Variants in SLC12A2 observed in about 807,000 individuals in gnomAD.
The protein encoded by SLC12A2 is solute carrier family 12 member 2.
A neutral mutation model predicts 136.3 loss-of-function variants in SLC12A2; 67 were observed. That is an observed-to-expected ratio of 0.49 (90% CI 0.40 to 0.60). The LOEUF (loss-of-function observed/expected upper bound fraction) is 0.60, where lower values mean the gene tolerates loss of function less well. Among genes scored for constraint, SLC12A2 ranks in the 20% least tolerant of loss-of-function variants. SLC12A2 has a pLI of 0.00. For missense variants in SLC12A2, 1,322 were observed against 1,534.7 expected (o/e 0.86, Z 2.32); for synonymous variants, 619 against 562.9 (o/e 1.10, Z -1.41).
chr5:128,084,763 C>T lies in SLC12A2; in HGVS notation c.756+53C>T, dbSNP rs1760020144. 2.0e-6 allele frequency: 3 copies of T among 1,484,376 alleles called. No individual in the cohort carries two copies. The highest frequency in any genetic ancestry group is 2.7e-6 in the Non-Finnish European group (3 of 1,112,648). The allele number at this position is 1,484,376 out of a possible 1,614,324, so 92.0% of individuals were successfully genotyped here. On this transcript the variant is annotated intron_variant, in intron 1 of 26. Coordinates refer to ENST00000262461, the MANE Select transcript of SLC12A2 (RefSeq NM_001046.3). This position sits in a 1 kb window ranked among gnomAD's most constrained non-coding sequence, Gnocchi z 5.6. The stretch of plus-strand genomic sequence containing the variant: ...CCCAGCCCCTGGTGCATGCCGACCG[C>T]GGGATGTGGCTGCAGACTCTTCCCG...
At chr5:128,140,664 C>T (rs1267741007) in intron 9 of SLC12A2, among the ~76,000 whole-genome samples, 2 of 149,978 alleles carry the variant, frequency 1.3e-5, no homozygotes, top group East Asian at 1.9e-4. Flanking sequence ...GCAGCCTCTA[C>T]ACCAGTGGTT....
chr5:128,159,610 C>T (rs1355800075), intron 16 of SLC12A2, among the ~76,000 whole-genome samples: 1 of 151,786 alleles, frequency 6.6e-6, no homozygotes, highest in East Asian at 1.9e-4. Context: ...AGACACTTTT[C>T]TTATGTGGTC....
intron 19 of SLC12A2, 92 bp downstream of exon 19, chr5:128,171,838 T>A: frequency 1.3e-6 from 1 of 750,304 alleles, no homozygotes; most frequent in South Asian, 1.8e-5. Context: ...TCTTCGTTAC[T>A]TTTAATAATT....
intron 4 of SLC12A2, among the ~76,000 whole-genome samples, chr5:128,125,638 A>G (rs1476496799): frequency 6.6e-6 from 1 of 151,486 alleles, no homozygotes; most frequent in Non-Finnish European, 1.5e-5. Context: ...CATGTCTTTC[A>G]GTGAAGAGAC....
intron 7 of SLC12A2, among the ~76,000 whole-genome samples, chr5:128,136,132 C>T (rs1043878367): frequency 6.6e-6 from 1 of 152,104 alleles, no homozygotes; most frequent in East Asian, 1.9e-4. Context: ...ATATGACTTT[C>T]ATTCTTTTAA....
At chr5:128,184,539 TA>T in intron 25 of SLC12A2, 38 bp downstream of exon 25, 1 of 1,503,606 alleles carries the variant, frequency 6.7e-7, no homozygotes, top group Non-Finnish European at 9.0e-7. Context: ...ATCTTTTATA[TA>T]ATAAAAGACA....
rs865817316 is a variant in SLC12A2, at chr5:128,148,786, C to T, written c.1914C>T (p.Phe638=). The T allele has an allele frequency of 6.2e-7, 1 of 1,606,014 alleles. No homozygotes were observed. Residue 638 remains phenylalanine (F), a synonymous_variant, in exon 12 of 27, where the codon TTC becomes TTT. Coordinates refer to ENST00000262461, the MANE Select transcript of SLC12A2 (RefSeq NM_001046.3). ...ALCKDNIYPA[F]QMFAKGYGKN... is the part of the protein sequence containing the mutation. ...GTAAGGACAACATCTACCCAGCTTT[C>T]CAGATGTTTGCTAAAGGTTATGGGA...
chr5:128,170,132 GC>G (rs1185528453), intron 18 of SLC12A2: 1 of 152,100 alleles, frequency 6.6e-6, no homozygotes, highest in African/African-American at 2.4e-5. Context: ...AAGATCTGAA[GC>G]TGCAAATCAA....
Position 128,179,833 on chromosome 5 carries a change from A to G in SLC12A2, c.3101-1050A>G, listed in dbSNP as rs369446369. 3.3e-5 allele frequency among the ~76,000 whole-genome samples: 5 copies of G among 151,016 alleles called. No individual in the cohort carries two copies. The East Asian group carries it at 7.8e-4, about 24-fold the overall frequency. ...TTGGGTAGGGGCTGATATCCGAACT[A>G]TTCCAGGATATAATTTGTTACTTTC... is the stretch of plus-strand genomic sequence containing the variant. On this transcript the variant is annotated intron_variant, in intron 22 of 26. Coordinates refer to ENST00000262461, the MANE Select transcript of SLC12A2 (RefSeq NM_001046.3).
intron 1 of SLC12A2, among the ~76,000 whole-genome samples, chr5:128,085,484 A>G (rs1760067719): frequency 6.6e-6 from 1 of 152,252 alleles, no homozygotes; most frequent in East Asian, 1.9e-4. Context: ...AACCATCCCC[A>G]TAAACTCATT....
intron 4 of SLC12A2, among the ~76,000 whole-genome samples, chr5:128,116,134 T>C (rs1044864601): frequency 8.5e-5 from 13 of 152,178 alleles, no homozygotes; most frequent in Non-Finnish European, 8.8e-5. Flanking sequence ...AGAAATGGGC[T>C]GGGATGCTGT....
In SLC12A2 at chr5:128,166,801, G is replaced by A. The variant is rs1403346627; in HGVS notation, c.2617-960G>A. ...TTGTACACTTAAAAATGGTTAAAAT[G>A]ACAATTTTTTTTATTTATCTTTTGC... On this transcript the variant is annotated intron_variant, in intron 17 of 26. Transcript: ENST00000262461. Among the ~76,000 whole-genome samples the A allele has an allele frequency of 7.2e-5, 11 of 152,050 alleles. No individual in the cohort carries two copies. The East Asian group carries it at 2.1e-3, about 29-fold the overall frequency.
intron 4 of SLC12A2, among the ~76,000 whole-genome samples, chr5:128,130,794 AAT>A (rs1761991928): frequency 6.6e-6 from 1 of 152,202 alleles, no homozygotes; most frequent in Admixed American, 6.5e-5. Flanking sequence ...GGCCCATTTT[AAT>A]CTAAACTTTA....
intron 1 of SLC12A2, among the ~76,000 whole-genome samples, chr5:128,107,804 C>T (rs1481241538): frequency 1.3e-5 from 2 of 151,850 alleles, no homozygotes; most frequent in African/African-American, 4.8e-5. Flanking sequence ...TGAGTGTGTC[C>T]CCAGTAATGG....
intron 7 of SLC12A2, among the ~76,000 whole-genome samples, chr5:128,136,576 C>T (rs1338897858): frequency 6.6e-6 from 1 of 152,074 alleles, no homozygotes; most frequent in Non-Finnish European, 1.5e-5. Flanking sequence ...TAAAATATGT[C>T]AGATGGTGAT....
intron 4 of SLC12A2, among the ~76,000 whole-genome samples, chr5:128,127,278 C>T (rs1323589180): frequency 1.3e-5 from 2 of 151,366 alleles, no homozygotes; most frequent in Non-Finnish European, 2.9e-5. Context: ...CCCGCCACCA[C>T]GCCCAGCTAA....
intron 26 of SLC12A2, 140 bp from the exon 27 acceptor site, chr5:128,186,356 C>T (rs1364561413): frequency 1.2e-5 from 10 of 851,642 alleles, no homozygotes; most frequent in Admixed American, 5.6e-5. Flanking sequence ...GCAGAATTCT[C>T]CTGCACTCAG....
chr5:128,098,775 G>A (rs1020321911), intron 1 of SLC12A2, among the ~76,000 whole-genome samples: 2 of 151,828 alleles, frequency 1.3e-5, no homozygotes, highest in Non-Finnish European at 2.9e-5. Flanking sequence ...TTATTTTTAG[G>A]TTGGCCCCTG....
chr5:128,181,307 T>C lies in SLC12A2; in HGVS notation c.3212+313T>C, dbSNP rs1763700236. On this transcript the variant is annotated intron_variant, in intron 23 of 26. Transcript: ENST00000262461. Reference sequence around the variant, plus strand: ...AGGGAGAAAATGCACAAACGTTACATATTTATATATGAGATAAATTTTGTT... The same window carrying C: ...AGGGAGAAAATGCACAAACGTTACACATTTATATATGAGATAAATTTTGTT... Among the ~76,000 whole-genome samples the C allele has an allele frequency of 2.6e-5, 4 of 152,158 alleles. No individual in the cohort carries two copies. The South Asian group carries it at 8.3e-4, about 31-fold the overall frequency.
Sources: allele counts gnomAD v4.1 joint callset (sites outside exome capture counted in the v4.1 genomes callset), GRCh38; gene constraint gnomAD v4.1.1; non-coding constraint Gnocchi (gnomAD v3.1); transcripts MANE v1.5; gene names NCBI Gene and HGNC (gene_info 2026-07-23, HGNC 2026-07-21).